Variants in WDR70 observed in about 807,000 individuals in gnomAD.
WDR70 encodes WD repeat-containing protein 70.
A neutral mutation model predicts 88.6 loss-of-function variants in WDR70; 53 were observed. The ratio of observed to expected loss-of-function variants is 0.60; its 90% CI spans 0.48 to 0.75. The LOEUF (loss-of-function observed/expected upper bound fraction) is 0.75. WDR70 is among the 30% of genes least tolerant of loss of function. The probability of loss-of-function intolerance (pLI) is 0.00; values close to 1 mark genes in which losing one functional copy is unlikely to be tolerated. For missense variants in WDR70, 610 were observed against 823.2 expected (o/e 0.74, Z 3.17); for synonymous variants, 280 against 270.0 (o/e 1.04, Z -0.36).
chr5:37,746,207 A>C (rs1561102996), intron 17 of WDR70, among the ~76,000 whole-genome samples: 1 of 152,200 alleles, frequency 6.6e-6, no homozygotes, highest in African/African-American at 2.4e-5. Context: ...AGGCAGAAAT[A>C]AAGAAGTTCT....
intron 10 of WDR70, among the ~76,000 whole-genome samples, chr5:37,636,234 G>A (rs1744961788): frequency 6.6e-6 from 1 of 152,148 alleles, no homozygotes; most frequent in African/African-American, 2.4e-5. Context: ...GGGCAAGTCT[G>A]TGAACTATAA....
chr5:37,407,969 C>T (rs1749404529), intron 5 of WDR70, among the ~76,000 whole-genome samples: 1 of 152,078 alleles, frequency 6.6e-6, no homozygotes, highest in Non-Finnish European at 1.5e-5. Context: ...ACAGAAAATG[C>T]AAAACAACAG....
intron 5 of WDR70, among the ~76,000 whole-genome samples, chr5:37,427,440 A>C (rs1276632669): frequency 6.6e-6 from 1 of 152,196 alleles, no homozygotes; most frequent in East Asian, 1.9e-4. Context: ...TGATTCTTAT[A>C]CACATGCACA....
intron 3 of WDR70, among the ~76,000 whole-genome samples, chr5:37,386,290 A>G (rs1748614275): frequency 6.6e-6 from 1 of 152,230 alleles, no homozygotes; most frequent in Non-Finnish European, 1.5e-5. Context: ...ATATAATACA[A>G]CATGTTTTGA....
At chr5:37,453,009 C>G (rs970502881) in intron 7 of WDR70, among the ~76,000 whole-genome samples, 1 of 152,236 alleles carries the variant, frequency 6.6e-6, no homozygotes, top group East Asian at 1.9e-4. Flanking sequence ...GCTTCTTTCT[C>G]ACTCACCTAG....
At chr5:37,494,088 G>A (rs6876361) in intron 8 of WDR70, among the ~76,000 whole-genome samples, 2,334 of 152,278 alleles carry the variant, frequency 0.015, 52 homozygotes, top group African/African-American at 0.053. Flanking sequence ...CAAAGTGCTG[G>A]GATTACAGGT....
At chr5:37,486,874 T>A (rs1191569793) in intron 8 of WDR70, among the ~76,000 whole-genome samples, 1 of 151,750 alleles carries the variant, frequency 6.6e-6, no homozygotes, top group Admixed American at 6.6e-5. Context: ...TAGATCTTTG[T>A]CACATGCATT....
intron 5 of WDR70, among the ~76,000 whole-genome samples, chr5:37,433,573 G>A (rs1750379252): frequency 6.6e-6 from 1 of 152,132 alleles, no homozygotes; most frequent in African/African-American, 2.4e-5. Context: ...TGCTGTATAT[G>A]TATAACACAT....
intron 9 of WDR70, among the ~76,000 whole-genome samples, chr5:37,550,720 T>C (rs1742116897): frequency 6.6e-6 from 1 of 152,210 alleles, no homozygotes; most frequent in African/African-American, 2.4e-5. Context: ...TTGGAGAGTG[T>C]AGTCCACTTA....
At chr5:37,452,822 G>T (rs887140751) in intron 7 of WDR70, among the ~76,000 whole-genome samples, 3 of 152,194 alleles carry the variant, frequency 2.0e-5, no homozygotes, top group African/African-American at 7.2e-5. Context: ...GCAGCATCAT[G>T]GTGAGTAAGT....
intron 10 of WDR70, among the ~76,000 whole-genome samples, chr5:37,663,679 C>T (rs567089970): frequency 2.8e-4 from 42 of 152,220 alleles, no homozygotes; most frequent in African/African-American, 1.0e-3. Context: ...GACAATAGGC[C>T]GGACTTCTGG....
At chr5:37,645,405 C>CTT (rs1745206163) in intron 10 of WDR70, among the ~76,000 whole-genome samples, 1 of 151,932 alleles carries the variant, frequency 6.6e-6, no homozygotes, top group African/African-American at 2.4e-5. Context: ...TGTGACTTAA[C>CTT]TTATGGTCTA....
At chr5:37,619,360 G>A (rs1197553176) in intron 10 of WDR70, among the ~76,000 whole-genome samples, 1 of 151,494 alleles carries the variant, frequency 6.6e-6, no homozygotes, top group Non-Finnish European at 1.5e-5. Flanking sequence ...CATCTAAAAT[G>A]TTCAGACTCT....
chr5:37,583,920 C>T (rs1743292666), intron 9 of WDR70, among the ~76,000 whole-genome samples: 1 of 152,104 alleles, frequency 6.6e-6, no homozygotes, highest in Non-Finnish European at 1.5e-5. Flanking sequence ...GAAAGTACTG[C>T]TTGAACCAAC....
In WDR70 at chr5:37,630,166, G is replaced by A. The variant is rs752852656; in HGVS notation, c.1092+24928G>A. Among the ~76,000 whole-genome samples, 6 of 152,302 alleles carry A rather than the reference G, an allele frequency of 3.9e-5. 1 individual carries two copies. The South Asian group carries it at 1.0e-3, about 26-fold the overall frequency. On this transcript the variant is annotated intron_variant, in intron 10 of 17. Transcript: ENST00000265107. ...GGTTGGGCATTTGTTCATGCACACA[G>A]TGGGTCAGGCAGCTTGGAGTCTGGC...
chr5:37,575,444 C>T (rs1433785927), intron 9 of WDR70, among the ~76,000 whole-genome samples: 6 of 152,118 alleles, frequency 3.9e-5, no homozygotes, highest in African/African-American at 1.2e-4. Context: ...AAAACCAAGC[C>T]ATGATTAGAC....
At chr5:37,591,225 T>C (rs950854336) in intron 9 of WDR70, among the ~76,000 whole-genome samples, 1 of 152,002 alleles carries the variant, frequency 6.6e-6, no homozygotes, top group African/African-American at 2.4e-5. Context: ...CCCAGCTACT[T>C]GGGAGGCCAA....
intron 10 of WDR70, among the ~76,000 whole-genome samples, chr5:37,661,770 A>G (rs1027687787): frequency 6.6e-6 from 1 of 152,190 alleles, no homozygotes; most frequent in African/African-American, 2.4e-5. Context: ...CATCAAGTGC[A>G]GGGTCTGCAA....
chr5:37,558,568 C>T (rs998979113), intron 9 of WDR70, among the ~76,000 whole-genome samples: 15 of 152,008 alleles, frequency 9.9e-5, no homozygotes, highest in Non-Finnish European at 2.1e-4. Context: ...TCAAACAATC[C>T]ACCCGCCTCA....
Sources: allele counts gnomAD v4.1 joint callset (sites outside exome capture counted in the v4.1 genomes callset), GRCh38; gene constraint gnomAD v4.1.1; transcripts MANE v1.5; gene names NCBI Gene and HGNC (gene_info 2026-07-23, HGNC 2026-07-21).